MAP3K5: variants seen among roughly 807,000 people sequenced by gnomAD.
MAP3K5 encodes mitogen-activated protein kinase kinase kinase 5.
In MAP3K5, 56 loss-of-function variants were observed where a neutral mutation model predicts 158.7. That is an observed-to-expected ratio of 0.35 (90% CI 0.28 to 0.44). The LOEUF is 0.44. Ranked by LOEUF, MAP3K5 falls within the 20% of genes least tolerant of loss-of-function variation. The probability of loss-of-function intolerance (pLI) is 1.00; values close to 1 mark genes in which losing one functional copy is unlikely to be tolerated. For missense variants in MAP3K5, 1,294 were observed against 1,674.8 expected (o/e 0.77, Z 3.97); for synonymous variants, 579 against 601.7 (o/e 0.96, Z 0.55).
intron 11 of MAP3K5, among the ~76,000 whole-genome samples, chr6:136,650,123 C>T (rs1490733434): frequency 1.3e-5 from 2 of 152,210 alleles, no homozygotes; most frequent in Non-Finnish European, 2.9e-5. Context: ...TTGGACACAG[C>T]TGTTTCCCTA....
intron 25 of MAP3K5, among the ~76,000 whole-genome samples, chr6:136,577,129 T>A (rs1774655431): frequency 6.6e-6 from 1 of 152,234 alleles, no homozygotes; most frequent in Admixed American, 6.5e-5. Flanking sequence ...TTCTTTCGCA[T>A]GTCTTCTGAA....
chr6:136,559,221 G>T (rs1312245231), intron 28 of MAP3K5, among the ~76,000 whole-genome samples: 1 of 152,004 alleles, frequency 6.6e-6, no homozygotes, highest in Non-Finnish European at 1.5e-5. Context: ...GCGTGGTGGC[G>T]TATGCCTGTA....
chr6:136,735,775 G>A (rs1420650068), intron 1 of MAP3K5, among the ~76,000 whole-genome samples: 2 of 152,088 alleles, frequency 1.3e-5, no homozygotes, highest in African/African-American at 2.4e-5. Flanking sequence ...GTTACAGTGA[G>A]CTATGATCGT....
intron 18 of MAP3K5, among the ~76,000 whole-genome samples, chr6:136,606,172 G>A (rs886359291): frequency 4.6e-5 from 7 of 152,174 alleles, no homozygotes; most frequent in Non-Finnish European, 1.0e-4. Context: ...CAAACATGGT[G>A]AAACCCTGTC....
chr6:136,716,372 A>G (rs1027745362), intron 2 of MAP3K5, among the ~76,000 whole-genome samples: 7 of 152,158 alleles, frequency 4.6e-5, no homozygotes, highest in African/African-American at 1.4e-4. Flanking sequence ...ACGTGCAGTC[A>G]TGTTTCATCC....
rs1308605348 is a variant in MAP3K5 at position 136,642,044 on chromosome 6, A to AT, written c.1838+475dup. 2.0e-4 allele frequency among the ~76,000 whole-genome samples: 26 copies of AT among 129,318 alleles called. 1 individual carries two copies. The highest frequency in any genetic ancestry group is 8.8e-4 in the African/African-American group (26 of 29,474). The allele number at this position is 129,318 out of a possible 152,430, so 84.8% of individuals were successfully genotyped here. ...TAAAATAAAATAAAAATAAAATAAA[A>AT]TAAAATAAAATAAAATAAAATAAAA... On this transcript the variant is annotated intron_variant, in intron 12 of 29. Coordinates refer to ENST00000359015, the MANE Select transcript of MAP3K5 (RefSeq NM_005923.4).
chr6:136,606,194 T>C (rs534906373), intron 18 of MAP3K5, among the ~76,000 whole-genome samples: 4 of 151,994 alleles, frequency 2.6e-5, no homozygotes, highest in Middle Eastern at 3.4e-3. Context: ...CTACTAAAAA[T>C]ACAAAAATTA....
chr6:136,611,252 A>G (rs1047200211), intron 18 of MAP3K5, 30 bp downstream of exon 18: 3 of 1,353,848 alleles, frequency 2.2e-6, no homozygotes, highest in African/African-American at 2.9e-5. Context: ...TTAATTACAT[A>G]AGATCTGTAT....
intron 7 of MAP3K5, among the ~76,000 whole-genome samples, chr6:136,689,170 T>G (rs1202525864): frequency 6.6e-6 from 1 of 151,994 alleles, no homozygotes; most frequent in Non-Finnish European, 1.5e-5. Context: ...TGTTATAGCG[T>G]GCACCTGTTG....
chr6:136,602,288 C>A (rs1775911543), intron 19 of MAP3K5, among the ~76,000 whole-genome samples: 1 of 151,966 alleles, frequency 6.6e-6, no homozygotes, highest in Non-Finnish European at 1.5e-5. Flanking sequence ...CAAAAAGGAT[C>A]TTTATTTTTC....
chr6:136,726,375 T>A (rs1323092596), intron 1 of MAP3K5, among the ~76,000 whole-genome samples: 1 of 152,194 alleles, frequency 6.6e-6, no homozygotes, highest in East Asian at 1.9e-4. Flanking sequence ...GGTGGCTCAC[T>A]TGAGGCCAGG....
chr6:136,597,113 G>C (rs970686407), intron 21 of MAP3K5, among the ~76,000 whole-genome samples: 1 of 152,192 alleles, frequency 6.6e-6, no homozygotes, highest in Admixed American at 6.5e-5. Context: ...CTGAGGATAG[G>C]ACATGTCAAA....
intron 23 of MAP3K5, among the ~76,000 whole-genome samples, chr6:136,590,169 G>A (rs1431002431): frequency 1.3e-5 from 2 of 152,110 alleles, no homozygotes; most frequent in African/African-American, 4.8e-5. Flanking sequence ...TCTACCACGA[G>A]TTGAAGCAGC....
chr6:136,684,675 C>T (rs185193152), intron 7 of MAP3K5, among the ~76,000 whole-genome samples: 41 of 152,268 alleles, frequency 2.7e-4, no homozygotes, highest in African/African-American at 9.1e-4. Context: ...GCTTCTCACC[C>T]TCTCTGCTGT....
chr6:136,737,814 T>C (rs1011838025), intron 1 of MAP3K5, among the ~76,000 whole-genome samples: 3 of 152,158 alleles, frequency 2.0e-5, no homozygotes, highest in Non-Finnish European at 4.4e-5. Flanking sequence ...CAAAGTCAAA[T>C]GAAATAGATG....
intron 25 of MAP3K5, among the ~76,000 whole-genome samples, chr6:136,568,783 A>G (rs549311412): frequency 5.8e-4 from 86 of 148,326 alleles, no homozygotes; most frequent in African/African-American, 2.1e-3. Context: ...ACTTGAACCC[A>G]GGAGGCAGAG....
At chr6:136,617,803 G>A (rs1776631475) in intron 15 of MAP3K5, among the ~76,000 whole-genome samples, 1 of 151,996 alleles carries the variant, frequency 6.6e-6, no homozygotes, top group Non-Finnish European at 1.5e-5. Flanking sequence ...TGTAGTGGCA[G>A]GTGCCTGTAA....
At chr6:136,650,003 T>G (rs1056647565) in intron 11 of MAP3K5, among the ~76,000 whole-genome samples, 1 of 152,228 alleles carries the variant, frequency 6.6e-6, no homozygotes, top group Non-Finnish European at 1.5e-5. Flanking sequence ...TTCCACTTCC[T>G]GCTTTATTTT....
intron 1 of MAP3K5, among the ~76,000 whole-genome samples, chr6:136,752,114 C>T (rs1004996454): frequency 6.6e-6 from 1 of 152,224 alleles, no homozygotes; most frequent in African/African-American, 2.4e-5. Flanking sequence ...CCCGTTCCCT[C>T]TCTCCCTCAT....
Sources: gnomAD v4.1 joint callset for allele counts (sites outside exome capture counted in the v4.1 genomes callset) on GRCh38, gnomAD v4.1.1 for gene constraint, MANE v1.5 for transcripts, NCBI Gene and HGNC (gene_info 2026-07-23, HGNC 2026-07-21) for gene names.